The following ITSN2 variants were observed in gnomAD, a reference collection of about 807,000 sequenced individuals.
ITSN2 encodes the protein intersectin-2.
A neutral mutation model predicts 243.7 loss-of-function variants in ITSN2; 156 were observed. That is an observed-to-expected ratio of 0.64 (90% CI 0.56 to 0.73). ITSN2 has a LOEUF of 0.73. ITSN2 is among the 30% of genes least tolerant of loss of function. The pLI, the probability that ITSN2 is intolerant of heterozygous loss-of-function variation, is 0.00. For synonymous variants in ITSN2, 703 were observed against 699.9 expected, an observed-to-expected ratio of 1.00 and a Z score of -0.07; for missense variants, 1,801 against 1,996.1, an observed-to-expected ratio of 0.90 and a Z score of 1.86.
chr2:24,291,310 G>A (rs1680217142), intron 15 of ITSN2, among the ~76,000 whole-genome samples: 1 of 151,920 alleles, frequency 6.6e-6, no homozygotes, highest in African/African-American at 2.4e-5. Flanking sequence ...TGTATTTTTA[G>A]CAGTGATGGG....
intron 2 of ITSN2, among the ~76,000 whole-genome samples, chr2:24,316,025 T>C (rs1683881883): frequency 6.6e-6 from 1 of 152,142 alleles, no homozygotes; most frequent in South Asian, 2.1e-4. Flanking sequence ...AGGCAGAGCC[T>C]TGAAGCTTGG....
At chr2:24,356,491 G>GAAA (rs59741704) in intron 1 of ITSN2, among the ~76,000 whole-genome samples, 1 of 147,940 alleles carries the variant, frequency 6.8e-6, no homozygotes, top group Non-Finnish European at 1.5e-5. Flanking sequence ...ATATCTACAA[G>GAAA]AAAAAAAAAA....
At chr2:24,266,891 C>A (rs1474957332) in intron 20 of ITSN2, among the ~76,000 whole-genome samples, 1 of 151,760 alleles carries the variant, frequency 6.6e-6, no homozygotes, top group Admixed American at 6.6e-5. Flanking sequence ...GAGCCATGAT[C>A]CCGCCACTGC....
At chr2:24,203,986 T>A in intron 39 of ITSN2, 1 of 641,066 alleles carries the variant, frequency 1.6e-6, no homozygotes. Context: ...GGAATTCAAA[T>A]CTCCATTCTG....
rs145684053 is a variant in ITSN2, at chr2:24,288,581, T to C, written c.1724-2230A>G. On this transcript the variant is annotated intron_variant, in intron 15 of 39. Coordinates refer to ENST00000355123, the MANE Select transcript of ITSN2 (RefSeq NM_006277.3). The stretch of plus-strand genomic sequence containing the variant: ...TAAAAACTTGTATTTATAGTACGCA[T>C]GTTGTTTTGAAATATGTATACATTG... 2.4e-3 allele frequency among the ~76,000 whole-genome samples: 359 copies of C among 152,272 alleles called. 11 individuals carry two copies. In the East Asian group the frequency reaches 0.054, roughly 23 times the overall value.
intron 29 of ITSN2, among the ~76,000 whole-genome samples, chr2:24,223,892 AT>A (rs1484569831): frequency 1.3e-5 from 2 of 151,700 alleles, no homozygotes; most frequent in African/African-American, 2.4e-5. Flanking sequence ...AAGAAGAAAA[AT>A]AAAGAAAAGA....
intron 8 of ITSN2, among the ~76,000 whole-genome samples, chr2:24,308,122 C>T (rs1004057350): frequency 2.0e-5 from 3 of 152,186 alleles, no homozygotes; most frequent in Non-Finnish European, 2.9e-5. Context: ...AGATGATGTT[C>T]TGGCCTGGAC....
intron 37 of ITSN2, chr2:24,206,216 A>T (rs1001717337): frequency 3.8e-5 from 15 of 398,920 alleles, no homozygotes; most frequent in Middle Eastern, 3.6e-4. Flanking sequence ...AAATAACACT[A>T]AATTAGCAAA....
intron 1 of ITSN2, 120 bp from the exon 2 acceptor site, chr2:24,328,235 G>GC: frequency 1.5e-6 from 1 of 648,552 alleles, no homozygotes; most frequent in Admixed American, 2.9e-5. Flanking sequence ...AGAAAACAAT[G>GC]CAGAGCTTCT....
At chr2:24,289,724 C>T (rs1303118579) in intron 15 of ITSN2, among the ~76,000 whole-genome samples, 7 of 152,192 alleles carry the variant, frequency 4.6e-5, no homozygotes, top group South Asian at 2.1e-4. Context: ...GGGCCACATG[C>T]GGCCCAGGAT....
intron 7 of ITSN2, among the ~76,000 whole-genome samples, chr2:24,309,642 G>A (rs1683005300): frequency 6.6e-6 from 1 of 152,094 alleles, no homozygotes; most frequent in Non-Finnish European, 1.5e-5. Context: ...ACCTTATATT[G>A]TACTAAGGCC....
Position 24,257,902 on chromosome 2 carries a change from T to C in ITSN2, c.2874A>G (p.Glu958=). 2 of 1,613,492 alleles carry C rather than the reference T, an allele frequency of 1.2e-6. No individual in the cohort carries two copies. Among genetic ancestry groups the C allele is most frequent in the Non-Finnish European group, 1.7e-6 (2 of 1,179,394 alleles). ...AAGATGCTTACTCTTCCCGTTTTAC[T>C]TCACTCCCAGGAATGATCTTGACAT... ...KSYVKIIPGS[E]VKREEPEALY... Residue 958 remains glutamate (E), a synonymous_variant, in exon 23 of 40, where the codon GAA becomes GAG. Coordinates refer to ENST00000355123, the MANE Select transcript of ITSN2 (RefSeq NM_006277.3).
chr2:24,329,300 G>A (rs1277483554), intron 1 of ITSN2, among the ~76,000 whole-genome samples: 3 of 151,660 alleles, frequency 2.0e-5, no homozygotes, highest in Admixed American at 6.6e-5. Context: ...TCGCTCTGTC[G>A]CCCAGGCTGG....
chr2:24,329,264 T>TC (rs1685513254), intron 1 of ITSN2, among the ~76,000 whole-genome samples: 1 of 150,066 alleles, frequency 6.7e-6, no homozygotes, highest in Admixed American at 6.6e-5. Flanking sequence ...TTTTTTTTGT[T>TC]TGTTTTGTTT....
At chr2:24,226,691 T>G (rs1671063975) in intron 29 of ITSN2, among the ~76,000 whole-genome samples, 1 of 152,214 alleles carries the variant, frequency 6.6e-6, no homozygotes, top group Non-Finnish European at 1.5e-5. Context: ...CTCTGTGTTG[T>G]GTGTTATGTG....
intron 1 of ITSN2, among the ~76,000 whole-genome samples, chr2:24,329,217 C>A (rs986327773): frequency 4.0e-5 from 6 of 151,286 alleles, no homozygotes; most frequent in African/African-American, 1.5e-4. Context: ...TCAATAAATT[C>A]AAAAATTGTT....
chr2:24,212,703 A>C lies in ITSN2; in HGVS notation c.4036T>G (p.Phe1346Val), dbSNP rs1459644540. The change falls in exon 33 of 40, where the codon TTC becomes GTC. Residue 1346 changes from phenylalanine to valine, a missense_variant. Physicochemically the swap from Phe to Val is conservative, Grantham distance 50. Coordinates refer to ENST00000355123, the MANE Select transcript of ITSN2 (RefSeq NM_006277.3). Reference sequence around the variant, plus strand: ...ATCCTCTGCATGGGTTTCAGCAGGAAGCTGGAGAGGGGCATTCCTTTACAC... The same window carrying C: ...ATCCTCTGCATGGGTTTCAGCAGGACGCTGGAGAGGGGCATTCCTTTACAC... ...PRCKGMPLSS[F>V]LLKPMQRITR... 1.9e-6 allele frequency: 3 copies of C among 1,613,922 alleles called. No homozygotes were observed. The South Asian group carries it at 3.3e-5, about 18-fold the overall frequency.
In ITSN2 at chr2:24,286,309, T is replaced by C. The variant is rs959686517; in HGVS notation, c.1766A>G (p.Glu589Gly). ...TTCTTTAAGTCTTTGGCATAATTCTTCCTTTTCTAATGATTTTTTATGAAG... is the reference window on the plus strand; with the variant it reads ...TTCTTTAAGTCTTTGGCATAATTCTCCCTTTTCTAATGATTTTTTATGAAG... Reference protein sequence around the residue: ...SLLHKKSLEKEELCQRLKEQL... With the variant: ...SLLHKKSLEKGELCQRLKEQL... Residue 589 changes from glutamate (E) to glycine (G), a missense_variant, in exon 16 of 40, where the codon GAA becomes GGA. By Grantham distance (98) the Glu-to-Gly change is moderately conservative. Transcript: ENST00000355123. 4.4e-6 allele frequency: 7 copies of C among 1,608,962 alleles called. No homozygotes were observed. Among genetic ancestry groups the C allele is most frequent in the Non-Finnish European group, 6.0e-6 (7 of 1,175,628 alleles).
Position 24,298,682 on chromosome 2 carries a change from G to T in ITSN2, c.1477C>A (p.Leu493Ile). The change falls in exon 13 of 40, where the codon CTT becomes ATT. Residue 493 changes from leucine to isoleucine, a missense_variant. Physicochemically the swap from Leu to Ile is conservative, Grantham distance 5. Around this residue, in one of 5 missense-constraint regions of ITSN2, gnomAD observed 787 missense variants for 803.9 expected, o/e 0.98. Transcript: ENST00000355123. ...AGCCATACCAGTGCTTCCAACTCAA[G>T]ATGAAGATTCTTCTTTTTAGAGTTT... The part of the protein sequence containing the change: ...RLNSKKKNLH[L>I]ELEALNGKHQ... 1.2e-6 allele frequency: 2 copies of T among 1,601,866 alleles called. No homozygotes were observed. Among genetic ancestry groups the T allele is most frequent in the Non-Finnish European group, 1.7e-6 (2 of 1,176,554 alleles).
Sources: gnomAD v4.1 joint callset for allele counts (sites outside exome capture counted in the v4.1 genomes callset) on GRCh38, gnomAD v4.1.1 for gene constraint, gnomAD v4.1.1 regional missense constraint, MANE v1.5 for transcripts, NCBI Gene and HGNC (gene_info 2026-07-23, HGNC 2026-07-21) for gene names.